The following DIS3 variants were observed in gnomAD, a reference collection of about 807,000 sequenced individuals.
DIS3 encodes the protein exosome complex exonuclease RRP44.
DIS3 carries 103 observed loss-of-function variants against 113.0 expected under a neutral mutation model. The ratio of observed to expected loss-of-function variants is 0.91; its 90% CI spans 0.78 to 1.07. The LOEUF is 1.07. DIS3 is among the 50% of genes least tolerant of loss of function. The pLI, the probability that DIS3 is intolerant of heterozygous loss-of-function variation, is 0.00. For missense variants in DIS3, 1,121 were observed against 1,167.1 expected (o/e 0.96, Z 0.58); for synonymous variants, 402 against 394.3 (o/e 1.02, Z -0.23).
At chr13:72,772,645 G>T in intron 9 of DIS3, 48 bp downstream of exon 9, 1 of 1,546,840 alleles carries the variant, frequency 6.5e-7, no homozygotes. Flanking sequence ...ACAAAACTAG[G>T]CAGGATATAA....
At chr13:72,781,485 G>T (rs1159182626) in intron 1 of DIS3, 120 bp downstream of exon 1, 5 of 1,430,150 alleles carry the variant, frequency 3.5e-6, no homozygotes, top group Non-Finnish European at 2.8e-6. Flanking sequence ...TCCCGAGGGG[G>T]TTTCCCTTTC....
chr13:72,768,961 T>C, intron 13 of DIS3, 49 bp from the exon 14 acceptor site: 1 of 1,323,698 alleles, frequency 7.6e-7, no homozygotes, highest in Non-Finnish European at 1.1e-6. Context: ...GATAGAAAAA[T>C]GGTTTTCAAT....
chr13:72,765,407 AC>A (rs1427792860), intron 15 of DIS3, among the ~76,000 whole-genome samples: 1 of 151,950 alleles, frequency 6.6e-6, no homozygotes, highest in Non-Finnish European at 1.5e-5. Context: ...ATTCTATCCT[AC>A]CCCCATCTTT....
intron 2 of DIS3, among the ~76,000 whole-genome samples, 192 bp downstream of exon 2, chr13:72,780,654 G>A (rs1411314433): frequency 1.3e-5 from 2 of 152,106 alleles, no homozygotes; most frequent in Non-Finnish European, 2.9e-5. Flanking sequence ...TTTTAGGCTT[G>A]AGCCCATCAA....
In DIS3 at chr13:72,778,195, G is replaced by A; in HGVS notation, c.572C>T (p.Ala191Val). The A allele has an allele frequency of 6.3e-7, 1 of 1,580,872 alleles. No homozygotes were observed. Among genetic ancestry groups the A allele is most frequent in the Non-Finnish European group, 8.7e-7 (1 of 1,154,488 alleles). Reference protein sequence around the residue: ...KEKAIEEGIPAFTCEEYVKSL... With the variant: ...KEKAIEEGIPVFTCEEYVKSL... ...TCTACATTTAGACTTACAAGTGAAA[G>A]CTGGTATTCCTTCTTCTATGGCTTT... Residue 191 changes from alanine to valine, a missense_variant, in exon 3 of 21, where the codon GCT (alanine) becomes GTT (valine). Physicochemically the swap from Ala to Val is moderately conservative, Grantham distance 64. This residue lies in a region of DIS3 where 6 missense variants were observed against 19.4 expected (regional missense o/e 0.31). Coordinates refer to ENST00000377767, the MANE Select transcript of DIS3 (RefSeq NM_014953.5).
chr13:72,771,022 G>A, intron 12 of DIS3, 34 bp from the exon 13 acceptor site: 1 of 1,606,136 alleles, frequency 6.2e-7, no homozygotes, highest in Non-Finnish European at 8.5e-7. Flanking sequence ...TTGTTAATGG[G>A]AATCAGGTTA....
At chr13:72,781,488 T>C in intron 1 of DIS3, 117 bp downstream of exon 1, 1 of 1,426,624 alleles carries the variant, frequency 7.0e-7, no homozygotes. Flanking sequence ...CGAGGGGGTT[T>C]CCCTTTCGCT....
chr13:72,766,139 GAC>G (rs2033744745), intron 14 of DIS3, 81 bp from the exon 15 acceptor site: 9 of 1,184,494 alleles, frequency 7.6e-6, no homozygotes, highest in Non-Finnish European at 1.1e-5. Context: ...TTTTAAAAAA[GAC>G]AATGACTACA....
chr13:72,763,236 T>A (rs1030238651), intron 16 of DIS3, among the ~76,000 whole-genome samples: 4 of 151,046 alleles, frequency 2.6e-5, no homozygotes, highest in African/African-American at 9.8e-5. Context: ...GGGTGGGAGG[T>A]GGAGGGTGCA....
chr13:72,760,503 C>A lies in DIS3; in HGVS notation c.2793+26G>T, dbSNP rs201178350. 5.0e-6 allele frequency: 8 copies of A among 1,612,860 alleles called. No individual in the cohort carries two copies. In the African/African-American group the frequency reaches 1.1e-4, roughly 22 times the overall value. ...ATATGTACTGTTTGTTCCATCACAA[C>A]AAGGAAATTTTAAGTTTGGCCTTAC... On this transcript the variant is annotated intron_variant, in intron 20 of 20. Coordinates refer to ENST00000377767, the MANE Select transcript of DIS3 (RefSeq NM_014953.5).
In DIS3 at chr13:72,775,242, T is replaced by A. The variant is rs1166125682; in HGVS notation, c.956A>T (p.Asp319Val). ...VLHDEGQNEE[D>V]VEKEEETERM... The stretch of plus-strand genomic sequence containing the variant: ...TTCTGTCTCTTCTTCTTTCTCCACA[T>A]CTTCTTCATTTTGACCTTCATCATG... Residue 319 changes from aspartate (D) to valine (V), a missense_variant, in exon 6 of 21, where the codon GAT becomes GTT. Around this residue, in one of 3 missense-constraint regions of DIS3, gnomAD observed 861 missense variants for 915.5 expected, o/e 0.94. Transcript: ENST00000377767. The A allele has an allele frequency of 2.9e-5, 46 of 1,613,418 alleles. No homozygotes were observed. Among genetic ancestry groups the A allele is most frequent in the Non-Finnish European group, 3.8e-5 (45 of 1,179,690 alleles).
intron 16 of DIS3, among the ~76,000 whole-genome samples, 187 bp from the exon 17 acceptor site, chr13:72,762,324 C>T (rs74408315): frequency 0.02 from 3,100 of 152,228 alleles, 124 homozygotes; most frequent in African/African-American, 0.069. Context: ...GAACAATGTT[C>T]GGATTCATCA....
intron 14 of DIS3, among the ~76,000 whole-genome samples, chr13:72,768,342 T>C (rs1037333295): frequency 1.3e-5 from 2 of 152,144 alleles, no homozygotes; most frequent in Non-Finnish European, 2.9e-5. Flanking sequence ...CAGAATCAAG[T>C]TGCTAACATT....
rs1029734392 is a variant in DIS3 at position 72,754,561 on chromosome 13, T to C, written c.*5234A>G. 6.6e-6 allele frequency: 1 copy of C among 152,194 alleles called. No individual in the cohort carries two copies. The highest frequency in any genetic ancestry group is 2.4e-5 in the African/African-American group (1 of 41,426). 9.4% of individuals were successfully genotyped at this position (152,194 alleles called of 1,614,324 possible). On this transcript the variant is annotated 3_prime_UTR_variant, in exon 21 of 21. Transcript: ENST00000377767. ...TAGGGAGGCCACCTTAGTTTTCCTT[T>C]CTGTTGTATGTAGTAGGAGCAAACT...
intron 13 of DIS3, among the ~76,000 whole-genome samples, chr13:72,769,788 T>C (rs923628410): frequency 1.8e-4 from 27 of 152,244 alleles, no homozygotes; most frequent in Admixed American, 1.6e-3. Context: ...AGTCTAACAC[T>C]GTTTTCTTTG....
rs778778941 is a variant in DIS3, at chr13:72,777,413, A to G, written c.654+7T>C. The G allele has an allele frequency of 6.2e-7, 1 of 1,613,734 alleles. No individual in the cohort carries two copies. The highest frequency in any genetic ancestry group is 1.3e-5 in the African/African-American group (1 of 74,914). ...TTTTACTTTTCAAAAACAAAACAAA[A>G]ACATACCCCTTCTTCAGACAAACAA... is the stretch of plus-strand genomic sequence containing the variant. On this transcript the variant is annotated splice_region_variant and intron_variant, in intron 4 of 20. Transcript: ENST00000377767.
chr13:72,771,706 A>C, intron 11 of DIS3, 89 bp downstream of exon 11: 1 of 1,277,214 alleles, frequency 7.8e-7, no homozygotes, highest in Admixed American at 2.2e-5. Flanking sequence ...AAGCCACATT[A>C]TTCCATGTAT....
In DIS3 at chr13:72,757,425, T is replaced by TTC. The variant is rs2033511412; in HGVS notation, c.*2369_*2370insGA. The TTC allele has an allele frequency of 1.5e-5, 2 of 135,764 alleles. No homozygotes were observed. The highest frequency in any genetic ancestry group is 3.2e-5 in the Non-Finnish European group (2 of 63,454). 8.4% of individuals were successfully genotyped at this position (135,764 alleles called of 1,614,324 possible). ...CCACACCTGGCTAATTTTCTTTTCTTTTTTTTTTTTTTTTTTTGCGATGGA... is the reference window on the plus strand; with the variant it reads ...CCACACCTGGCTAATTTTCTTTTCTTTCTTTTTTTTTTTTTTTTTGCGATGGA... On this transcript the variant is annotated 3_prime_UTR_variant, in exon 21 of 21. Coordinates refer to ENST00000377767, the MANE Select transcript of DIS3 (RefSeq NM_014953.5).
In DIS3 at chr13:72,763,521, G is replaced by A. The variant is rs528729841; in HGVS notation, c.2057C>T (p.Ala686Val). Residue 686 changes from alanine (A) to valine (V), a missense_variant, in exon 16 of 21, where the codon GCT becomes GTT. Ala to Val is a moderately conservative substitution (Grantham distance 64). This residue lies in a region of DIS3 where 861 missense variants were observed against 915.5 expected (regional missense o/e 0.94). Coordinates refer to ENST00000377767, the MANE Select transcript of DIS3 (RefSeq NM_014953.5). ...KKIHEEFSEH[A>V]LLRKHPAPPP... is the part of the protein sequence containing the mutation. ...TGGAGCAGGATGTTTTCGAAGCAGA[G>A]CATGTTCAGAAAATTCCTCATGAAT... is the stretch of plus-strand genomic sequence containing the variant. The A allele has an allele frequency of 3.4e-5, 55 of 1,613,824 alleles. No homozygotes were observed. The East Asian group carries it at 8.0e-4, about 24-fold the overall frequency.
Sources: gnomAD v4.1 joint callset for allele counts (sites outside exome capture counted in the v4.1 genomes callset) on GRCh38, gnomAD v4.1.1 for gene constraint, gnomAD v4.1.1 regional missense constraint, MANE v1.5 for transcripts, NCBI Gene and HGNC (gene_info 2026-07-23, HGNC 2026-07-21) for gene names.